SAR1A: variants seen among roughly 807,000 people sequenced by gnomAD.
SAR1A encodes the protein small COPII coat GTPase SAR1A.
In SAR1A, 6 loss-of-function variants were observed where a neutral mutation model predicts 22.6. The ratio of observed to expected loss-of-function variants is 0.27; its 90% CI spans 0.15 to 0.52. The LOEUF (loss-of-function observed/expected upper bound fraction) is 0.52. Ranked by LOEUF, SAR1A falls within the 20% of genes least tolerant of loss-of-function variation. SAR1A has a pLI of 0.96. For synonymous variants in SAR1A, 70 were observed against 82.2 expected (o/e 0.85, Z 0.80); for missense variants, 145 against 245.1 (o/e 0.59, Z 2.73).
intron 4 of SAR1A, 40 bp downstream of exon 4, chr10:70,160,964 A>T (rs755680972): frequency 6.7e-7 from 1 of 1,490,014 alleles, no homozygotes; most frequent in Admixed American, 2.0e-5. Context: ...CACAAAAAAA[A>T]TAAGTCAATA....
At chr10:70,159,068 T>A (rs1160630040) in intron 4 of SAR1A, among the ~76,000 whole-genome samples, 1 of 152,090 alleles carries the variant, frequency 6.6e-6, no homozygotes, top group South Asian at 2.1e-4. Flanking sequence ...CAGTTACAAA[T>A]CCTTTTGTGG....
At chr10:70,166,985 G>A (rs1489627094) in intron 1 of SAR1A, among the ~76,000 whole-genome samples, 11 of 152,102 alleles carry the variant, frequency 7.2e-5, no homozygotes, top group Non-Finnish European at 1.5e-4. Context: ...GGGTGGCAGA[G>A]CAAGACCCTG....
intron 4 of SAR1A, among the ~76,000 whole-genome samples, chr10:70,158,843 T>C (rs1253300919): frequency 1.3e-5 from 2 of 151,966 alleles, no homozygotes; most frequent in Non-Finnish European, 2.9e-5. Flanking sequence ...AAAAGTGTTT[T>C]TGTTAAGTAG....
chr10:70,167,918 G>A (rs760881707), intron 1 of SAR1A, among the ~76,000 whole-genome samples: 2 of 152,218 alleles, frequency 1.3e-5, no homozygotes, highest in Non-Finnish European at 2.9e-5. Flanking sequence ...ACTTTAAGGA[G>A]TCCAACAACT....
Position 70,152,488 on chromosome 10 carries a change from C to T in SAR1A, c.585G>A (p.Gln195=). Residue 195 remains glutamine, a synonymous_variant, in exon 7 of 7, where the codon CAG becomes CAA. Transcript: ENST00000373241. Reference sequence around the variant, plus strand: ...CACCGTCCAAACATCAGTCAATATACTGGGAGAGCCAGCGGAAACCCTCGC... The same window carrying T: ...CACCGTCCAAACATCAGTCAATATATTGGGAGAGCCAGCGGAAACCCTCGC... ...GYGEGFRWLS[Q]YID 6.2e-7 allele frequency: 1 copy of T among 1,611,730 alleles called. No individual in the cohort carries two copies. The highest frequency in any genetic ancestry group is 8.5e-7 in the Non-Finnish European group (1 of 1,177,824).
chr10:70,169,251 C>A (rs958578837), intron 1 of SAR1A, among the ~76,000 whole-genome samples: 20 of 151,928 alleles, frequency 1.3e-4, no homozygotes, highest in African/African-American at 4.4e-4. Context: ...CAAACCCAAA[C>A]CACAAAATTG....
At chr10:70,159,653 C>T (rs1036616061) in intron 4 of SAR1A, among the ~76,000 whole-genome samples, 7 of 152,214 alleles carry the variant, frequency 4.6e-5, no homozygotes, top group South Asian at 2.1e-4. Context: ...AAGAAAAAAA[C>T]GGTATTAGCT....
chr10:70,162,291 G>C (rs553355340), intron 1 of SAR1A, among the ~76,000 whole-genome samples: 19 of 150,938 alleles, frequency 1.3e-4, no homozygotes, highest in African/African-American at 4.6e-4. Context: ...AGTGAGGCAT[G>C]ACGGTGCCAC....
chr10:70,170,217 C>G (rs1839608088), intron 1 of SAR1A, among the ~76,000 whole-genome samples, 196 bp downstream of exon 1: 1 of 152,032 alleles, frequency 6.6e-6, no homozygotes, highest in African/African-American at 2.4e-5. Context: ...GCAAAGAGGA[C>G]AGCAGGGGAC....
Position 70,147,394 on chromosome 10 carries a change from C to T in SAR1A, c.*5082G>A, listed in dbSNP as rs1221851215. On this transcript the variant is annotated 3_prime_UTR_variant, in exon 7 of 7. Coordinates refer to ENST00000373241, the MANE Select transcript of SAR1A (RefSeq NM_020150.5). ...ATCTAGGCCAGGGTCCAAATACTTT[C>T]TGTAGAAGGCCAGAATGGAAACAGT... 2 of 152,198 alleles carry T rather than the reference C, an allele frequency of 1.3e-5. No individual in the cohort carries two copies. The highest frequency in any genetic ancestry group is 6.5e-5 in the Admixed American group (1 of 15,276). The allele number at this position is 152,198 out of a possible 1,614,324, so 9.4% of individuals were successfully genotyped here. A position where few individuals can be genotyped will look rare whatever the true frequency, so the allele number is the denominator to read the frequency against.
chr10:70,166,129 ATAGTG>A (rs1371913799), intron 1 of SAR1A, among the ~76,000 whole-genome samples: 2 of 152,382 alleles, frequency 1.3e-5, no homozygotes, highest in East Asian at 1.9e-4. Flanking sequence ...AGACTACAGT[ATAGTG>A]TAAACGTAAC....
chr10:70,168,647 T>A (rs1839584195), intron 1 of SAR1A, among the ~76,000 whole-genome samples: 1 of 152,014 alleles, frequency 6.6e-6, no homozygotes, highest in South Asian at 2.1e-4. Flanking sequence ...TTTTTACAAG[T>A]CTGTAAAGTA....
chr10:70,155,696 G>A (rs1423055194), intron 5 of SAR1A, among the ~76,000 whole-genome samples: 1 of 152,180 alleles, frequency 6.6e-6, no homozygotes, highest in Non-Finnish European at 1.5e-5. Context: ...ACCAGAAGCA[G>A]TCATATCTGA....
chr10:70,159,514 C>T (rs997057438), intron 4 of SAR1A, among the ~76,000 whole-genome samples: 3 of 152,068 alleles, frequency 2.0e-5, no homozygotes, highest in South Asian at 2.1e-4. Flanking sequence ...GGCAACATGG[C>T]GGAAACCCAG....
chr10:70,169,268 A>G lies in SAR1A; in HGVS notation c.-17+1145T>C, dbSNP rs563401917. ...AACCCAAACCACAAAATTGCTGGGG[A>G]AAAAAAAAAAAACTAAAACTTCTTT... On this transcript the variant is annotated intron_variant, in intron 1 of 6. Coordinates refer to ENST00000373241, the MANE Select transcript of SAR1A (RefSeq NM_020150.5). 4.3e-4 allele frequency among the ~76,000 whole-genome samples: 60 copies of G among 140,902 alleles called. 1 individual carries two copies. Among genetic ancestry groups the G allele is most frequent in the Admixed American group, 7.7e-4 (11 of 14,236 alleles). The allele number at this position is 140,902 out of a possible 152,430, so 92.4% of individuals were successfully genotyped here. A position where few individuals can be genotyped will look rare whatever the true frequency, so the allele number is the denominator to read the frequency against.
intron 6 of SAR1A, 55 bp downstream of exon 6, chr10:70,153,783 A>G (rs1400205234): frequency 7.0e-7 from 1 of 1,425,530 alleles, no homozygotes. Flanking sequence ...GCGAAACATC[A>G]TGTTTTAAAA....
intron 3 of SAR1A, chr10:70,161,313 G>A (rs1383566854): frequency 3.6e-6 from 2 of 549,856 alleles, no homozygotes; most frequent in Non-Finnish European, 3.2e-6. Context: ...GGAATACAAG[G>A]GTGAAATGTT....
chr10:70,170,135 C>T (rs185259399), intron 1 of SAR1A, among the ~76,000 whole-genome samples: 9 of 152,204 alleles, frequency 5.9e-5, no homozygotes, highest in Admixed American at 3.3e-4. Context: ...CCGGAGCGCA[C>T]GGTACAGACA....
rs1839319799 is a variant in SAR1A, at chr10:70,151,117, C to T, written c.*1359G>A. 3 of 152,176 alleles carry T rather than the reference C, an allele frequency of 2.0e-5. No homozygotes were observed. Among genetic ancestry groups the T allele is most frequent in the African/African-American group, 7.2e-5 (3 of 41,522 alleles). The allele number at this position is 152,176 out of a possible 1,614,324, so 9.4% of individuals were successfully genotyped here. A position where few individuals can be genotyped will look rare whatever the true frequency, so the allele number is the denominator to read the frequency against. ...AATGCTATAAAATTAATCCCCATCA[C>T]CCAAGTAGGGATGCCGGTGCTTTTA... On this transcript the variant is annotated 3_prime_UTR_variant, in exon 7 of 7. Transcript: ENST00000373241.
Sources: allele counts gnomAD v4.1 joint callset (sites outside exome capture counted in the v4.1 genomes callset), GRCh38; gene constraint gnomAD v4.1.1; transcripts MANE v1.5; gene names NCBI Gene and HGNC (gene_info 2026-07-23, HGNC 2026-07-21).